Variants in GABBR2 observed in about 807,000 individuals in gnomAD.
The protein encoded by GABBR2 is gamma-aminobutyric acid type B receptor subunit 2.
In GABBR2, 23 loss-of-function variants were observed where a neutral mutation model predicts 105.6. The observed-to-expected ratio is 0.22, with a 90% CI of 0.16 to 0.31. GABBR2 has a LOEUF of 0.31. GABBR2 is among the 10% of genes least tolerant of loss of function. The pLI is 1.00. For missense variants in GABBR2, 734 were observed against 1,245.5 expected, an observed-to-expected ratio of 0.59 and a Z score of 6.18; for synonymous variants, 478 against 499.7, an observed-to-expected ratio of 0.96 and a Z score of 0.58.
chr9:98,578,943 G>A (rs1027133305), intron 1 of GABBR2, among the ~76,000 whole-genome samples: 1 of 152,174 alleles, frequency 6.6e-6, no homozygotes, highest in Non-Finnish European at 1.5e-5. Context: ...AATGGTGGTT[G>A]CCCGGGGCTG....
intron 7 of GABBR2, among the ~76,000 whole-genome samples, chr9:98,423,560 G>A (rs1297927887): frequency 1.3e-5 from 2 of 152,272 alleles, no homozygotes; most frequent in African/African-American, 2.4e-5. Context: ...TAGGTTGCCT[G>A]TTCACTCTGA....
At chr9:98,329,630 C>A (rs142650290) in intron 13 of GABBR2, among the ~76,000 whole-genome samples, 156 of 152,328 alleles carry the variant, frequency 1.0e-3, no homozygotes, top group African/African-American at 3.6e-3. Context: ...CCCTGCCCTT[C>A]GGGGCTCATT....
At chr9:98,494,256 A>G (rs757317821) in intron 4 of GABBR2, among the ~76,000 whole-genome samples, 2 of 152,210 alleles carry the variant, frequency 1.3e-5, no homozygotes, top group African/African-American at 2.4e-5. Context: ...AATAGATATC[A>G]ATCAGTGAAA....
At chr9:98,324,265 T>G (rs1209912474) in intron 13 of GABBR2, among the ~76,000 whole-genome samples, 1 of 152,146 alleles carries the variant, frequency 6.6e-6, no homozygotes, top group African/African-American at 2.4e-5. Flanking sequence ...CCCTGCTACA[T>G]CTTAGATTTT....
intron 3 of GABBR2, among the ~76,000 whole-genome samples, chr9:98,531,574 T>C (rs1451212769): frequency 6.6e-6 from 1 of 152,234 alleles, no homozygotes; most frequent in Non-Finnish European, 1.5e-5. Flanking sequence ...CACTAGAAAC[T>C]GGAGCCCCTG....
chr9:98,421,476 T>G (rs1832781876), intron 7 of GABBR2, among the ~76,000 whole-genome samples: 1 of 152,166 alleles, frequency 6.6e-6, no homozygotes, highest in Admixed American at 6.6e-5. Context: ...TCAATTTCTG[T>G]GCATTACTTT....
At chr9:98,549,376 C>A (rs1828446131) in intron 2 of GABBR2, among the ~76,000 whole-genome samples, 1 of 57,404 alleles carries the variant, frequency 1.7e-5, no homozygotes, top group Admixed American at 2.4e-4. Flanking sequence ...TTTAGTAAAC[C>A]ATATGTTCTC....
intron 13 of GABBR2, among the ~76,000 whole-genome samples, chr9:98,351,689 CTG>C (rs1342354211): frequency 5.3e-5 from 8 of 152,284 alleles, no homozygotes; most frequent in African/African-American, 1.9e-4. Context: ...ATATCTATCT[CTG>C]TGCTGAATTT....
intron 9 of GABBR2, among the ~76,000 whole-genome samples, chr9:98,391,631 G>C (rs1832182653): frequency 2.0e-5 from 3 of 152,208 alleles, no homozygotes; most frequent in Admixed American, 2.0e-4. Context: ...AGGAAGATGA[G>C]AAGGAAAGAG....
At chr9:98,563,379 A>T (rs1217262634) in intron 2 of GABBR2, among the ~76,000 whole-genome samples, 1 of 152,172 alleles carries the variant, frequency 6.6e-6, no homozygotes, top group East Asian at 1.9e-4. Flanking sequence ...TGAAGGAGGA[A>T]GTGAGCATGC....
intron 1 of GABBR2, among the ~76,000 whole-genome samples, chr9:98,686,528 TG>T (rs1830622880): frequency 6.6e-6 from 1 of 152,120 alleles, no homozygotes; most frequent in Non-Finnish European, 1.5e-5. Flanking sequence ...CTCGAGTAGC[TG>T]GGATTATAGG....
intron 13 of GABBR2, among the ~76,000 whole-genome samples, chr9:98,332,283 T>C (rs1831041346): frequency 6.6e-6 from 1 of 152,196 alleles, no homozygotes; most frequent in Non-Finnish European, 1.5e-5. Flanking sequence ...TTGGCAGCAG[T>C]GCACCTCAGG....
At chr9:98,566,216 T>C (rs1477567690) in intron 2 of GABBR2, among the ~76,000 whole-genome samples, 1 of 152,168 alleles carries the variant, frequency 6.6e-6, no homozygotes, top group Non-Finnish European at 1.5e-5. Flanking sequence ...ACAGGTATGA[T>C]TGGTCACCCT....
At chr9:98,538,893 C>G (rs755658657) in intron 3 of GABBR2, among the ~76,000 whole-genome samples, 1 of 152,036 alleles carries the variant, frequency 6.6e-6, no homozygotes, top group Non-Finnish European at 1.5e-5. Flanking sequence ...CCCTTGGGCA[C>G]AGAGAGGAGT....
chr9:98,463,052 C>T (rs758118906), intron 6 of GABBR2, among the ~76,000 whole-genome samples: 37 of 152,040 alleles, frequency 2.4e-4, no homozygotes, highest in Non-Finnish European at 4.1e-4. Flanking sequence ...TCATGCCCGG[C>T]TAATTTTTGT....
In GABBR2 at chr9:98,642,753, G is replaced by A. The variant is rs568557389; in HGVS notation, c.322-64681C>T. Reference sequence around the variant, plus strand: ...AATTCTGTTTTAGGCGTGCGCGTGTGTGTGTAGGTGTGAATGCACTGTAAC... The same window carrying A: ...AATTCTGTTTTAGGCGTGCGCGTGTATGTGTAGGTGTGAATGCACTGTAAC... On this transcript the variant is annotated intron_variant, in intron 1 of 18. Coordinates refer to ENST00000259455, the MANE Select transcript of GABBR2 (RefSeq NM_005458.8). Among the ~76,000 whole-genome samples, 5 of 152,328 alleles carry A rather than the reference G, an allele frequency of 3.3e-5. No individual in the cohort carries two copies. The East Asian group carries it at 9.6e-4, about 29-fold the overall frequency.
intron 4 of GABBR2, among the ~76,000 whole-genome samples, chr9:98,482,281 A>C (rs1826940939): frequency 6.6e-6 from 1 of 152,240 alleles, no homozygotes; most frequent in Non-Finnish European, 1.5e-5. Context: ...TAGCAAAATA[A>C]AGAAGGCCTG....
At chr9:98,499,542 G>A (rs1827359181) in intron 3 of GABBR2, among the ~76,000 whole-genome samples, 1 of 152,214 alleles carries the variant, frequency 6.6e-6, no homozygotes, top group Non-Finnish European at 1.5e-5. Context: ...ACTTTCTGGG[G>A]AAAGCAAATG....
chr9:98,296,869 G>A (rs1830390787), intron 17 of GABBR2, among the ~76,000 whole-genome samples: 1 of 151,888 alleles, frequency 6.6e-6, no homozygotes, highest in Non-Finnish European at 1.5e-5. Flanking sequence ...CATGGCTTTT[G>A]CATTATGAAA....
Sources: gnomAD v4.1 joint callset for allele counts (sites outside exome capture counted in the v4.1 genomes callset) on GRCh38, gnomAD v4.1.1 for gene constraint, MANE v1.5 for transcripts, NCBI Gene and HGNC (gene_info 2026-07-23, HGNC 2026-07-21) for gene names.